KCNC2: variants seen among roughly 807,000 people sequenced by gnomAD.
KCNC2 encodes the protein potassium voltage-gated channel subfamily C member 2.
KCNC2 carries 21 observed loss-of-function variants against 44.5 expected under a neutral mutation model. The observed-to-expected ratio is 0.47, with a 90% CI of 0.33 to 0.68. The LOEUF is 0.68. KCNC2 is among the 30% of genes least tolerant of loss of function. KCNC2 has a pLI of 0.01. For synonymous variants in KCNC2, 391 were observed against 339.1 expected (o/e 1.15, Z -1.68); for missense variants, 589 against 826.2 (o/e 0.71, Z 3.52).
intron 2 of KCNC2, chr12:75,124,996 T>C (rs1888309981): frequency 6.6e-6 from 1 of 151,898 alleles, no homozygotes; most frequent in Non-Finnish European, 1.5e-5. Context: ...GTCCTAGCTA[T>C]GCGGGAGGCT....
intron 2 of KCNC2, among the ~76,000 whole-genome samples, chr12:75,092,313 A>C (rs1305769652): frequency 6.6e-6 from 1 of 151,678 alleles, no homozygotes; most frequent in Non-Finnish European, 1.5e-5. Context: ...TTGCTTTAGA[A>C]GTAGAGAATA....
intron 2 of KCNC2, among the ~76,000 whole-genome samples, chr12:75,145,243 G>A (rs1250181583): frequency 6.6e-6 from 1 of 151,324 alleles, no homozygotes; most frequent in Non-Finnish European, 1.5e-5. Flanking sequence ...AACAATTAAT[G>A]TATGAAATTT....
intron 2 of KCNC2, among the ~76,000 whole-genome samples, chr12:75,166,535 C>T (rs1891465811): frequency 6.6e-6 from 1 of 150,582 alleles, no homozygotes; most frequent in Non-Finnish European, 1.5e-5. Flanking sequence ...CACATGAAAC[C>T]TTCTCCAGGT....
intron 2 of KCNC2, among the ~76,000 whole-genome samples, chr12:75,153,558 C>T (rs1476821480): frequency 6.6e-6 from 1 of 151,702 alleles, no homozygotes; most frequent in African/African-American, 2.4e-5. Flanking sequence ...AAAGCCCAGT[C>T]TTCACCACTA....
At position 75,042,802 on chromosome 12, in the gene KCNC2, T is replaced by C; in HGVS notation, c.*303A>G. The C allele has an allele frequency of 8.4e-7, 1 of 1,188,058 alleles. No individual in the cohort carries two copies. The highest frequency in any genetic ancestry group is 1.0e-6 in the Non-Finnish European group (1 of 958,054). The allele number at this position is 1,188,058 out of a possible 1,614,324, so 73.6% of individuals were successfully genotyped here. ...GCACACTGTTTTAAATATATCTCCC[T>C]GAAGGTATGTTTATATATTAGTGCA... On this transcript the variant is annotated 3_prime_UTR_variant, in exon 5 of 5. Transcript: ENST00000549446.
intron 4 of KCNC2, among the ~76,000 whole-genome samples, chr12:75,046,381 G>T (rs535929741): frequency 3.9e-4 from 59 of 151,682 alleles, no homozygotes; most frequent in African/African-American, 1.3e-3. Flanking sequence ...TTTCTCATTC[G>T]TGATTTTCTT....
chr12:75,182,520 C>CAAAAAA (rs71438888), intron 2 of KCNC2, among the ~76,000 whole-genome samples: 1 of 81,424 alleles, frequency 1.2e-5, no homozygotes, highest in Non-Finnish European at 2.6e-5. Flanking sequence ...GATTCCGTCT[C>CAAAAAA]AAAAAAAAAA....
intron 2 of KCNC2, among the ~76,000 whole-genome samples, chr12:75,144,302 G>A (rs755717529): frequency 2.0e-5 from 3 of 152,082 alleles, no homozygotes; most frequent in Admixed American, 6.6e-5. Context: ...AATGCAACAC[G>A]GTAGGCTTAT....
At position 75,200,694 on chromosome 12, in the gene KCNC2, A is replaced by G. The variant is rs562761727; in HGVS notation, c.687+6603T>C. Among the ~76,000 whole-genome samples the G allele has an allele frequency of 1.9e-3, 289 of 149,868 alleles. 1 individual carries two copies. The highest frequency in any genetic ancestry group is 2.9e-3 in the Non-Finnish European group (195 of 67,780). On this transcript the variant is annotated intron_variant, in intron 2 of 4. Coordinates refer to ENST00000549446, the MANE Select transcript of KCNC2 (RefSeq NM_139137.4). ...CACTATACACTATACATACACATTCATTTTAAAATAATCTTCACTAGTGAG... is the reference window on the plus strand; with the variant it reads ...CACTATACACTATACATACACATTCGTTTTAAAATAATCTTCACTAGTGAG...
Position 75,086,741 on chromosome 12 carries a change from C to T in KCNC2, c.688-35424G>A, listed in dbSNP as rs1393631245. Among the ~76,000 whole-genome samples, 3 of 143,884 alleles carry T rather than the reference C, an allele frequency of 2.1e-5. No homozygotes were observed. In the Admixed American group the frequency reaches 2.2e-4, roughly 10 times the overall value. The allele number at this position is 143,884 out of a possible 152,430, so 94.4% of individuals were successfully genotyped here. A position where few individuals can be genotyped will look rare whatever the true frequency, so the allele number is the denominator to read the frequency against. On this transcript the variant is annotated intron_variant, in intron 2 of 4. Coordinates refer to ENST00000549446, the MANE Select transcript of KCNC2 (RefSeq NM_139137.4). The stretch of plus-strand genomic sequence containing the variant: ...CTTAAGTCATATATAAATACAGAGA[C>T]ATAGTTCAAGAAAATGAAGGAAAAG...
chr12:75,050,246 G>A, intron 3 of KCNC2, 144 bp downstream of exon 3: 2 of 641,518 alleles, frequency 3.1e-6, no homozygotes, highest in East Asian at 5.3e-5. Context: ...CTATCTACAA[G>A]CCTGACACAA....
At chr12:75,180,059 C>A (rs1294878392) in intron 2 of KCNC2, among the ~76,000 whole-genome samples, 1 of 151,722 alleles carries the variant, frequency 6.6e-6, no homozygotes, top group Non-Finnish European at 1.5e-5. Flanking sequence ...CTATGTTGTT[C>A]TTTATTATCA....
intron 2 of KCNC2, among the ~76,000 whole-genome samples, chr12:75,085,188 CTTGCAA>C (rs1212320547): frequency 6.6e-6 from 1 of 151,974 alleles, no homozygotes; most frequent in Non-Finnish European, 1.5e-5. Context: ...CAGATTAGTT[CTTGCAA>C]TTGTATTTCA....
Position 75,042,516 on chromosome 12 carries a change from C to T in KCNC2, c.*589G>A. 1 of 1,426,024 alleles carries T rather than the reference C, an allele frequency of 7.0e-7. No homozygotes were observed. Among genetic ancestry groups the T allele is most frequent in the African/African-American group, 1.4e-5 (1 of 69,002 alleles). The allele number at this position is 1,426,024 out of a possible 1,614,324, so 88.3% of individuals were successfully genotyped here. Reference sequence around the variant, plus strand: ...AAATGTCAAGGAGAAAAGTGCCCTCCCTGCCCCACAATTCAACATGCAGAA... The same window carrying T: ...AAATGTCAAGGAGAAAAGTGCCCTCTCTGCCCCACAATTCAACATGCAGAA... On this transcript the variant is annotated 3_prime_UTR_variant, in exon 5 of 5. Coordinates refer to ENST00000549446, the MANE Select transcript of KCNC2 (RefSeq NM_139137.4).
intron 4 of KCNC2, among the ~76,000 whole-genome samples, chr12:75,045,706 C>T (rs899428569): frequency 5.3e-5 from 8 of 151,860 alleles, no homozygotes; most frequent in East Asian, 3.9e-4. Context: ...GTGCTATTCA[C>T]GAGCATGTTT....
In KCNC2 at chr12:75,066,036, G is replaced by A. The variant is rs969864806; in HGVS notation, c.688-14719C>T. 4.6e-5 allele frequency among the ~76,000 whole-genome samples: 7 copies of A among 151,986 alleles called. No individual in the cohort carries two copies. In the East Asian group the frequency reaches 1.4e-3, roughly 29 times the overall value. On this transcript the variant is annotated intron_variant, in intron 2 of 4. Coordinates refer to ENST00000549446, the MANE Select transcript of KCNC2 (RefSeq NM_139137.4). ...TAGAGAGACAAAATATCAAATATAC[G>A]TCTATTAAAATTTAGACATTCTTCT...
intron 2 of KCNC2, among the ~76,000 whole-genome samples, chr12:75,100,784 G>GTAGT (rs1886312757): frequency 6.6e-6 from 1 of 151,954 alleles, no homozygotes; most frequent in Non-Finnish European, 1.5e-5. Context: ...CTAGACAACA[G>GTAGT]TAGTTATATT....
intron 4 of KCNC2, among the ~76,000 whole-genome samples, chr12:75,047,727 GA>G (rs938991228): frequency 9.3e-5 from 14 of 150,524 alleles, no homozygotes; most frequent in African/African-American, 2.2e-4. Flanking sequence ...TTTACTTTGA[GA>G]AAAAAAAACT....
intron 2 of KCNC2, among the ~76,000 whole-genome samples, chr12:75,110,404 G>A (rs1887137504): frequency 2.0e-5 from 3 of 152,244 alleles, no homozygotes; most frequent in African/African-American, 4.8e-5. Context: ...AGAGAGGACT[G>A]TAGTCAAGAA....
Sources: allele counts gnomAD v4.1 joint callset (sites outside exome capture counted in the v4.1 genomes callset), GRCh38; gene constraint gnomAD v4.1.1; transcripts MANE v1.5; gene names NCBI Gene and HGNC (gene_info 2026-07-23, HGNC 2026-07-21).